Variants in EXTL3 observed in about 807,000 individuals in gnomAD.
EXTL3 encodes exostosin-like 3.
In EXTL3, 27 loss-of-function variants were observed where a neutral mutation model predicts 69.3. That is an observed-to-expected ratio of 0.39 (90% CI 0.29 to 0.54). EXTL3 has a LOEUF of 0.54. Ranked by LOEUF, EXTL3 falls within the 20% of genes least tolerant of loss-of-function variation. EXTL3 has a pLI of 0.69. For synonymous variants in EXTL3, 511 were observed against 499.4 expected, an observed-to-expected ratio of 1.02 and a Z score of -0.31; for missense variants, 1,003 against 1,231.8, an observed-to-expected ratio of 0.81 and a Z score of 2.78.
intron 5 of EXTL3, 51 bp from the exon 6 acceptor site, chr8:28,743,035 A>G (rs773921650): frequency 2.5e-6 from 4 of 1,612,226 alleles, no homozygotes; most frequent in African/African-American, 2.7e-5. Context: ...CTGAAAGCCA[A>G]CAACCTGTGT....
intron 2 of EXTL3, among the ~76,000 whole-genome samples, chr8:28,715,301 G>A (rs1037051893): frequency 3.9e-5 from 6 of 152,190 alleles, no homozygotes; most frequent in East Asian, 1.9e-4. Context: ...GTTGGTCATC[G>A]TGTTACAGGG....
chr8:28,650,185 G>A (rs1305140493), intron 1 of EXTL3, among the ~76,000 whole-genome samples: 2 of 138,498 alleles, frequency 1.4e-5, no homozygotes, highest in Non-Finnish European at 3.0e-5. Flanking sequence ...GACAGAGTGA[G>A]ACTCTGTCTC....
chr8:28,748,199 A>C lies in EXTL3; in HGVS notation c.2551-2458A>C, dbSNP rs896690256. ...CATCCTGGCTAACACAGCAAAACCAATCTCTACTAAAAATACAAAAAATTA... is the reference window on the plus strand; with the variant it reads ...CATCCTGGCTAACACAGCAAAACCACTCTCTACTAAAAATACAAAAAATTA... On this transcript the variant is annotated intron_variant, in intron 6 of 6. Transcript: ENST00000220562. 9.9e-5 allele frequency among the ~76,000 whole-genome samples: 15 copies of C among 152,080 alleles called. 1 individual carries two copies. The South Asian group carries it at 1.5e-3, about 15-fold the overall frequency.
rs75933866 is a variant in EXTL3 at position 28,754,158 on chromosome 8, A to G, written c.*3292A>G. 7.6e-3 allele frequency: 1,152 copies of G among 152,214 alleles called. 5 individuals carry two copies. The highest frequency in any genetic ancestry group is 0.015 in the South Asian group (74 of 4,816). The allele number at this position is 152,214 out of a possible 1,614,324, so 9.4% of individuals were successfully genotyped here. ...GGTCCATAGGTCATGCCCCTGACCT[A>G]TAGGTCACTAAGGCACCTGTACCTG... is the stretch of plus-strand genomic sequence containing the variant. On this transcript the variant is annotated 3_prime_UTR_variant, in exon 7 of 7. Transcript: ENST00000220562.
chr8:28,666,165 C>A (rs755152316), intron 1 of EXTL3, among the ~76,000 whole-genome samples: 1 of 152,150 alleles, frequency 6.6e-6, no homozygotes, highest in Non-Finnish European at 1.5e-5. Flanking sequence ...TCAATGGGTC[C>A]TTGAATGGGA....
intron 1 of EXTL3, among the ~76,000 whole-genome samples, chr8:28,666,949 T>C (rs1807206770): frequency 6.6e-6 from 1 of 152,168 alleles, no homozygotes; most frequent in African/African-American, 2.4e-5. Context: ...TCTCCTTACC[T>C]TGCATAAAGG....
At chr8:28,718,248 G>C in intron 3 of EXTL3, 41 bp downstream of exon 3, 1 of 1,576,188 alleles carries the variant, frequency 6.3e-7, no homozygotes, top group Non-Finnish European at 8.7e-7. Flanking sequence ...GCATGAAATA[G>C]TATTTCACTC....
chr8:28,756,047 C>T (rs1802117024), downstream of EXTL3, among the ~76,000 whole-genome samples: 1 of 152,184 alleles, frequency 6.6e-6, no homozygotes, highest in Non-Finnish European at 1.5e-5. Context: ...AATACATGGG[C>T]ATACAACTGT....
intron 1 of EXTL3, among the ~76,000 whole-genome samples, chr8:28,708,878 T>C (rs1170364258): frequency 6.6e-6 from 1 of 152,248 alleles, no homozygotes; most frequent in Non-Finnish European, 1.5e-5. Flanking sequence ...TCTTTTGTTC[T>C]GAGTCTGCTA....
rs533032236 is a variant in EXTL3 at position 28,713,551 on chromosome 8, G to A, written c.-476+1G>A. 15 of 702,304 alleles carry A rather than the reference G, an allele frequency of 2.1e-5. No individual in the cohort carries two copies. In the East Asian group the frequency reaches 4.0e-4, roughly 19 times the overall value. The allele number at this position is 702,304 out of a possible 1,614,324, so 43.5% of individuals were successfully genotyped here. On this transcript the variant is annotated splice_donor_variant, in intron 2 of 6. Transcript: ENST00000220562. LOFTEE classifies it low-confidence loss of function (5UTR_SPLICE). ...GGAAGGAAGGGTCCTGAAACACATG[G>A]TGAGGAAGGAATGAGTCAGCTGGAT... is the stretch of plus-strand genomic sequence containing the variant.
At chr8:28,610,696 T>TTGGTAAAA (rs1806259904) in intron 2 of EXTL3, among the ~76,000 whole-genome samples, 1 of 152,044 alleles carries the variant, frequency 6.6e-6, no homozygotes, top group South Asian at 2.1e-4. Flanking sequence ...TGGGCTCAGG[T>TTGGTAAAA]TGGTAAAATG....
chr8:28,707,237 CA>C (rs1252724356), intron 1 of EXTL3, among the ~76,000 whole-genome samples: 1 of 152,148 alleles, frequency 6.6e-6, no homozygotes, highest in African/African-American at 2.4e-5. Context: ...GGTAGATAAG[CA>C]AGAAGCAGTA....
intron 1 of EXTL3, among the ~76,000 whole-genome samples, chr8:28,682,819 C>CA (rs1261262160): frequency 6.6e-6 from 1 of 152,132 alleles, no homozygotes; most frequent in Non-Finnish European, 1.5e-5. Context: ...GGGTCATATC[C>CA]AAAAAATCAT....
In EXTL3 at chr8:28,694,820, T is replaced by C. The variant is rs1585255034; in HGVS notation, c.-52-18637T>C. Among the ~76,000 whole-genome samples the C allele has an allele frequency of 2.6e-5, 4 of 152,280 alleles. 1 individual carries two copies. On this transcript the variant is annotated intron_variant, in intron 1 of 6. Transcript: ENST00000523149. ...TGAGCTCAGGAGTTCGAGACCAGAC[T>C]GGGCAACCTGGCGAAACCCCATTTC... is the stretch of plus-strand genomic sequence containing the variant.
At chr8:28,725,928 T>C (rs1801402149) in intron 3 of EXTL3, among the ~76,000 whole-genome samples, 1 of 151,894 alleles carries the variant, frequency 6.6e-6, no homozygotes, top group Non-Finnish European at 1.5e-5. Context: ...GAGGCCGTGC[T>C]GATCTGTGAG....
chr8:28,719,304 A>T (rs1801242046), intron 3 of EXTL3, among the ~76,000 whole-genome samples: 1 of 152,232 alleles, frequency 6.6e-6, no homozygotes, highest in African/African-American at 2.4e-5. Context: ...AAACTACGAT[A>T]AGACAACTAA....
chr8:28,684,699 G>C (rs1285539098), intron 1 of EXTL3, among the ~76,000 whole-genome samples: 1 of 152,074 alleles, frequency 6.6e-6, no homozygotes, highest in Non-Finnish European at 1.5e-5. Context: ...CTGTGATTTT[G>C]GCACTGCACT....
At position 28,730,374 on chromosome 8, in the gene EXTL3, A is replaced by AC. The variant is rs145784409; in HGVS notation, c.2149-848dup. ...CTTTGGTTGGACTAATTAGACAAAGACACTCTAAGAATAAAATGAGCCATC... is the reference window on the plus strand; with the variant it reads ...CTTTGGTTGGACTAATTAGACAAAGACCACTCTAAGAATAAAATGAGCCATC... On this transcript the variant is annotated intron_variant, in intron 3 of 6. Transcript: ENST00000220562. 1.8e-3 allele frequency among the ~76,000 whole-genome samples: 278 copies of AC among 152,334 alleles called. 5 individuals carry two copies. In the East Asian group the frequency reaches 0.043, roughly 23 times the overall value.
upstream of EXTL3, among the ~76,000 whole-genome samples, chr8:28,622,289 T>C (rs1481588693): frequency 2.0e-5 from 3 of 152,242 alleles, no homozygotes; most frequent in Non-Finnish European, 2.9e-5. Context: ...TTTCATGTTT[T>C]ACCGGACCCC....
Sources: gnomAD v4.1 joint callset for allele counts (sites outside exome capture counted in the v4.1 genomes callset) on GRCh38, gnomAD v4.1.1 for gene constraint, MANE v1.5 for transcripts, NCBI Gene and HGNC (gene_info 2026-07-23, HGNC 2026-07-21) for gene names.